TRPC4AP: variants seen among roughly 807,000 people sequenced by gnomAD.
The protein encoded by TRPC4AP is transient receptor potential cation channel subfamily C member 4 associated protein.
Under a neutral mutation model 99.0 loss-of-function variants are expected in TRPC4AP, and 45 were observed. The observed-to-expected ratio is 0.45, with a 90% CI of 0.36 to 0.58. The LOEUF (loss-of-function observed/expected upper bound fraction) is 0.58, where lower values mean the gene tolerates loss of function less well. Among genes scored for constraint, TRPC4AP ranks in the 20% least tolerant of loss-of-function variants. TRPC4AP has a pLI of 0.00. For synonymous variants in TRPC4AP, 408 were observed against 385.8 expected, an observed-to-expected ratio of 1.06 and a Z score of -0.67; for missense variants, 879 against 985.3, an observed-to-expected ratio of 0.89 and a Z score of 1.44.
chr20:35,027,695 T>C (rs1376526046), intron 8 of TRPC4AP, among the ~76,000 whole-genome samples: 1 of 152,222 alleles, frequency 6.6e-6, no homozygotes, highest in Non-Finnish European at 1.5e-5. Flanking sequence ...TCAATCTCGT[T>C]GTTATACTTC....
At chr20:35,027,550 T>C (rs2083062301) in intron 8 of TRPC4AP, among the ~76,000 whole-genome samples, 1 of 152,232 alleles carries the variant, frequency 6.6e-6, no homozygotes, top group Non-Finnish European at 1.5e-5. Flanking sequence ...AGTTGGGAAC[T>C]GTTCCTTCCT....
At position 35,004,495 on chromosome 20, in the gene TRPC4AP, C is replaced by A; in HGVS notation, c.2012G>T (p.Arg671Leu). 6.2e-7 allele frequency: 1 copy of A among 1,613,984 alleles called. No homozygotes were observed. The highest frequency in any genetic ancestry group is 8.5e-7 in the Non-Finnish European group (1 of 1,179,952). ...QVPTQMSFLFRLINIIHVQTL... is the reference protein window; with the variant it reads ...QVPTQMSFLFLLINIIHVQTL... ...CTGCACGTGGATGATGTTGATGAGG[C>A]GGAAGAGGAAGGACATCTGCGTGGG... The change falls in exon 17 of 19, where the codon CGC becomes CTC. Residue 671 changes from arginine (R) to leucine (L), a missense_variant. Transcript: ENST00000252015.
intron 4 of TRPC4AP, among the ~76,000 whole-genome samples, chr20:35,056,831 C>A (rs929924688): frequency 8.0e-5 from 12 of 150,112 alleles, no homozygotes; most frequent in Non-Finnish European, 1.5e-4. Flanking sequence ...AAAAAAAATA[C>A]AAAAATTAGC....
At chr20:35,017,537 A>G (rs2082783219) in intron 9 of TRPC4AP, among the ~76,000 whole-genome samples, 1 of 152,202 alleles carries the variant, frequency 6.6e-6, no homozygotes, top group South Asian at 2.1e-4. Flanking sequence ...CAGAAAGCAG[A>G]TGTAAAGCTC....
chr20:35,007,307 G>A (rs1235658441), intron 14 of TRPC4AP, among the ~76,000 whole-genome samples: 2 of 152,206 alleles, frequency 1.3e-5, no homozygotes, highest in Admixed American at 6.5e-5. Flanking sequence ...ATGCCTTGCT[G>A]GGTAACCAAA....
At chr20:35,008,013 C>T (rs1364397625) in intron 13 of TRPC4AP, among the ~76,000 whole-genome samples, 2 of 152,188 alleles carry the variant, frequency 1.3e-5, no homozygotes, top group East Asian at 3.8e-4. Context: ...CGGACGAACA[C>T]ATGCAGACAG....
intron 2 of TRPC4AP, among the ~76,000 whole-genome samples, chr20:35,073,712 G>T (rs112765511): frequency 6.6e-6 from 1 of 152,164 alleles, no homozygotes; most frequent in Admixed American, 6.5e-5. Flanking sequence ...ATGTTCATCA[G>T]GGATATTGGT....
intron 4 of TRPC4AP, among the ~76,000 whole-genome samples, chr20:35,056,438 G>T (rs955122588): frequency 2.0e-5 from 3 of 151,864 alleles, no homozygotes; most frequent in Non-Finnish European, 4.4e-5. Context: ...TTGCTATGAG[G>T]GTACATAGAG....
intron 1 of TRPC4AP, 78 bp from the exon 2 acceptor site, chr20:35,078,252 C>A (rs1280800905): frequency 6.8e-7 from 1 of 1,481,122 alleles, no homozygotes; most frequent in Non-Finnish European, 9.2e-7. Flanking sequence ...GAGCAGCCGA[C>A]TTCCAAACCC....
chr20:35,012,050 C>T (rs1288206068), intron 11 of TRPC4AP, among the ~76,000 whole-genome samples: 1 of 152,216 alleles, frequency 6.6e-6, no homozygotes, highest in African/African-American at 2.4e-5. Context: ...AGTACTCAGA[C>T]TGAAGAGTCT....
intron 1 of TRPC4AP, among the ~76,000 whole-genome samples, chr20:35,084,820 G>C (rs1172654404): frequency 1.3e-5 from 2 of 151,210 alleles, no homozygotes; most frequent in Admixed American, 1.3e-4. Flanking sequence ...AAAAATGGAA[G>C]AGGACTGTTT....
At chr20:35,007,676 G>T in intron 13 of TRPC4AP, 36 bp from the exon 14 acceptor site, 4 of 1,606,586 alleles carry the variant, frequency 2.5e-6, no homozygotes, top group Non-Finnish European at 3.4e-6. Context: ...GGCTAAGGCT[G>T]CCCTCTTCCG....
At chr20:35,045,100 A>T (rs2083528693) in intron 6 of TRPC4AP, among the ~76,000 whole-genome samples, 1 of 152,186 alleles carries the variant, frequency 6.6e-6, no homozygotes, top group Non-Finnish European at 1.5e-5. Flanking sequence ...AAATACTTCA[A>T]ATATAGCTAA....
chr20:35,090,249 T>C (rs1465867794), intron 1 of TRPC4AP, among the ~76,000 whole-genome samples: 1 of 151,014 alleles, frequency 6.6e-6, no homozygotes, highest in Admixed American at 6.6e-5. Flanking sequence ...TCACTATAGC[T>C]CCAGGCAGGG....
chr20:35,010,720 C>T (rs1372325033), intron 11 of TRPC4AP, among the ~76,000 whole-genome samples: 33 of 152,150 alleles, frequency 2.2e-4, no homozygotes, highest in Admixed American at 2.2e-3. Flanking sequence ...CCCCGACTTG[C>T]CATCCAGGCC....
At chr20:35,052,748 T>G (rs1424466128) in intron 5 of TRPC4AP, among the ~76,000 whole-genome samples, 3 of 152,186 alleles carry the variant, frequency 2.0e-5, no homozygotes, top group Non-Finnish European at 4.4e-5. Context: ...CGCCTCAGCC[T>G]CCCAAATTGC....
intron 8 of TRPC4AP, among the ~76,000 whole-genome samples, chr20:35,029,737 G>A (rs1442639240): frequency 1.4e-5 from 2 of 138,850 alleles, no homozygotes; most frequent in African/African-American, 2.6e-5. Context: ...CTGGGTTCAC[G>A]CCATTCTCCT....
intron 3 of TRPC4AP, among the ~76,000 whole-genome samples, chr20:35,067,632 A>T (rs972170947): frequency 1.3e-5 from 2 of 152,196 alleles, no homozygotes; most frequent in Non-Finnish European, 2.9e-5. Flanking sequence ...CCTCTCAACA[A>T]ATAAAAAATG....
chr20:35,086,525 A>ATATGTGTG (rs1447423250), intron 1 of TRPC4AP, among the ~76,000 whole-genome samples: 4 of 69,246 alleles, frequency 5.8e-5, no homozygotes, highest in African/African-American at 2.3e-4. Context: ...GTGTGTATAT[A>ATATGTGTG]TGTGTGTGTG....
Sources: gnomAD v4.1 joint callset for allele counts (sites outside exome capture counted in the v4.1 genomes callset) on GRCh38, gnomAD v4.1.1 for gene constraint, MANE v1.5 for transcripts, NCBI Gene and HGNC (gene_info 2026-07-23, HGNC 2026-07-21) for gene names.